NKAIN3: variants seen among roughly 807,000 people sequenced by gnomAD.
NKAIN3 encodes the protein sodium/potassium transporting ATPase interacting 3.
Under a neutral mutation model 30.2 loss-of-function variants are expected in NKAIN3, and 25 were observed. The observed-to-expected ratio is 0.83, with a 90% CI of 0.60 to 1.16. The LOEUF is 1.16. Among genes scored for constraint, NKAIN3 ranks in the 50% most tolerant of loss-of-function variants. The pLI, the probability that NKAIN3 is intolerant of heterozygous loss-of-function variation, is 0.00. For synonymous variants in NKAIN3, 91 were observed against 89.6 expected, an observed-to-expected ratio of 1.02 and a Z score of -0.09; for missense variants, 225 against 254.1, an observed-to-expected ratio of 0.89 and a Z score of 0.78.
intron 4 of NKAIN3, among the ~76,000 whole-genome samples, chr8:62,915,592 T>TA (rs1043760091): frequency 2.5e-4 from 38 of 152,320 alleles, no homozygotes; most frequent in African/African-American, 9.1e-4. Context: ...AGCAATCTCT[T>TA]ACAGCAGCAA....
At chr8:62,594,749 G>A (rs949580498) in intron 3 of NKAIN3, among the ~76,000 whole-genome samples, 1 of 151,806 alleles carries the variant, frequency 6.6e-6, no homozygotes, top group Non-Finnish European at 1.5e-5. Context: ...AATAGACAAT[G>A]ACTTTAGATT....
chr8:62,456,905 A>G (rs1374290765), intron 1 of NKAIN3, among the ~76,000 whole-genome samples: 1 of 152,224 alleles, frequency 6.6e-6, no homozygotes, highest in East Asian at 1.9e-4. Context: ...ACTTTATAAG[A>G]ATGTAATTGA....
chr8:62,797,864 A>C (rs1260793092), intron 4 of NKAIN3, among the ~76,000 whole-genome samples: 2 of 152,104 alleles, frequency 1.3e-5, no homozygotes, highest in Non-Finnish European at 2.9e-5. Flanking sequence ...TAAAAAGGGG[A>C]AATTTGTAGA....
chr8:62,812,004 G>T (rs1818502887), intron 4 of NKAIN3, among the ~76,000 whole-genome samples: 2 of 151,688 alleles, frequency 1.3e-5, no homozygotes, highest in Admixed American at 1.3e-4. Context: ...CATGATTCAT[G>T]TCGAGCAAAT....
At chr8:62,875,187 A>G (rs550574944) in intron 4 of NKAIN3, among the ~76,000 whole-genome samples, 6 of 152,286 alleles carry the variant, frequency 3.9e-5, no homozygotes, top group Admixed American at 1.3e-4. Context: ...AACAATAGGC[A>G]AGCAGAGAGC....
At position 62,726,737 on chromosome 8, in the gene NKAIN3, G is replaced by T. The variant is rs192734362; in HGVS notation, c.274-20195G>T. Among the ~76,000 whole-genome samples, 330 of 151,932 alleles carry T rather than the reference G, an allele frequency of 2.2e-3. 1 individual carries two copies. The highest frequency in any genetic ancestry group is 3.8e-4 in the Non-Finnish European group (26 of 67,890). On this transcript the variant is annotated intron_variant, in intron 3 of 6. Coordinates refer to ENST00000623646, the MANE Select transcript of NKAIN3 (RefSeq NM_001304533.3). ...ACCCTTCATAAACAGACAGCATCAG[G>T]CCCAGATGAGTTCACAGGTGAATTC... is the stretch of plus-strand genomic sequence containing the variant.
intron 1 of NKAIN3, among the ~76,000 whole-genome samples, chr8:62,381,248 G>GT (rs1483650647): frequency 6.6e-6 from 1 of 151,838 alleles, no homozygotes; most frequent in Non-Finnish European, 1.5e-5. Flanking sequence ...ATTTTTACCT[G>GT]TTTTTTCTTT....
chr8:62,989,833 A>G (rs1214879201), downstream of NKAIN3, among the ~76,000 whole-genome samples: 3 of 152,222 alleles, frequency 2.0e-5, no homozygotes. Context: ...TTAGACATTG[A>G]ACCCTAAATA....
chr8:62,945,667 A>G (rs1269558053), intron 5 of NKAIN3, among the ~76,000 whole-genome samples: 1 of 152,128 alleles, frequency 6.6e-6, no homozygotes, highest in Admixed American at 6.5e-5. Context: ...ATGCCTACAC[A>G]CCATTTAGGA....
intron 1 of NKAIN3, among the ~76,000 whole-genome samples, chr8:62,358,728 G>A (rs569759525): frequency 1.3e-5 from 2 of 152,144 alleles, no homozygotes; most frequent in East Asian, 3.9e-4. Context: ...TTGTGTAAGT[G>A]GCTCACATTT....
At chr8:62,940,784 G>A (rs1822931408) in intron 5 of NKAIN3, among the ~76,000 whole-genome samples, 1 of 152,014 alleles carries the variant, frequency 6.6e-6, no homozygotes, top group Admixed American at 6.6e-5. Context: ...TAAAGGAAAA[G>A]TTAAAGCATT....
intron 1 of NKAIN3, among the ~76,000 whole-genome samples, chr8:62,434,525 C>T (rs1805110817): frequency 6.6e-6 from 1 of 152,212 alleles, no homozygotes; most frequent in Non-Finnish European, 1.5e-5. Context: ...GTGTAAGGAA[C>T]CCAATAATGT....
At chr8:62,777,929 A>G (rs144664386) in intron 4 of NKAIN3, among the ~76,000 whole-genome samples, 401 of 152,246 alleles carry the variant, frequency 2.6e-3, no homozygotes, top group South Asian at 0.011. Context: ...AGACATTCCA[A>G]GCCCCATATT....
intron 4 of NKAIN3, among the ~76,000 whole-genome samples, chr8:62,840,919 C>A (rs1206791435): frequency 6.6e-6 from 1 of 152,104 alleles, no homozygotes; most frequent in African/African-American, 2.4e-5. Context: ...TAGGAGTATG[C>A]TTGCTTTTTG....
intron 1 of NKAIN3, among the ~76,000 whole-genome samples, chr8:62,322,020 C>T (rs767580823): frequency 3.9e-4 from 60 of 152,258 alleles, no homozygotes; most frequent in African/African-American, 1.2e-3. Context: ...ACTCAAGCCT[C>T]GGCAATGGCC....
chr8:62,522,949 T>C (rs762895091), intron 1 of NKAIN3, among the ~76,000 whole-genome samples: 11 of 152,140 alleles, frequency 7.2e-5, no homozygotes, highest in Non-Finnish European at 1.0e-4. Context: ...AAATTTAGTG[T>C]ACCCTAAGTG....
At chr8:62,745,860 G>A (rs1048827436) in intron 3 of NKAIN3, among the ~76,000 whole-genome samples, 12 of 152,174 alleles carry the variant, frequency 7.9e-5, no homozygotes, top group Non-Finnish European at 1.5e-4. Flanking sequence ...AGTAATGTGA[G>A]AGAGTGCCGC....
intron 6 of NKAIN3, among the ~76,000 whole-genome samples, chr8:62,964,813 A>G (rs200890801): frequency 9.9e-6 from 1 of 100,544 alleles, no homozygotes; most frequent in Non-Finnish European, 2.0e-5. Context: ...TAAAAAATTT[A>G]AAAAAAAACA....
intron 1 of NKAIN3, among the ~76,000 whole-genome samples, chr8:62,407,076 T>C (rs1454419565): frequency 1.3e-5 from 2 of 152,160 alleles, no homozygotes; most frequent in East Asian, 3.9e-4. Context: ...AGGATTCTTT[T>C]ACTGGACATT....
Sources: allele counts gnomAD v4.1 joint callset (sites outside exome capture counted in the v4.1 genomes callset), GRCh38; gene constraint gnomAD v4.1.1; transcripts MANE v1.5; gene names NCBI Gene and HGNC (gene_info 2026-07-23, HGNC 2026-07-21).